The following SNRPN variants were observed in gnomAD, a reference collection of about 807,000 sequenced individuals.
SNRPN encodes small nuclear ribonucleoprotein-associated protein N.
A neutral mutation model predicts 25.2 loss-of-function variants in SNRPN; 7 were observed. The observed-to-expected ratio is 0.28, with a 90% confidence interval of 0.16 to 0.52. SNRPN has a LOEUF of 0.52. Among genes scored for constraint, SNRPN ranks in the 20% least tolerant of loss-of-function variants. SNRPN has a pLI of 0.96. For synonymous variants in SNRPN, 124 were observed against 110.6 expected, an observed-to-expected ratio of 1.12 and a Z score of -0.76; for missense variants, 196 against 322.5, an observed-to-expected ratio of 0.61 and a Z score of 3.00.
chr15:24,919,430 C>CAA (rs59552412), intron 2 of SNRPN, among the ~76,000 whole-genome samples: 8,030 of 128,240 alleles, frequency 0.063, 276 homozygotes, highest in South Asian at 0.097. Context: ...GACTCTGTCT[C>CAA]AAAAAAAAAA....
At chr15:24,938,707 T>C (rs1447786780) in intron 3 of SNRPN, among the ~76,000 whole-genome samples, 1 of 152,164 alleles carries the variant, frequency 6.6e-6, no homozygotes, top group African/African-American at 2.4e-5. Context: ...GGGCAAAGCC[T>C]TTACTGGGGA....
intron 3 of SNRPN, among the ~76,000 whole-genome samples, chr15:24,945,343 TAA>T (rs11422448): frequency 7.2e-5 from 6 of 83,730 alleles, no homozygotes; most frequent in African/African-American, 9.9e-5. Flanking sequence ...ACCCACCATG[TAA>T]AAAAAAAAAA....
At chr15:24,937,448 T>G (rs1298352338) in intron 3 of SNRPN, among the ~76,000 whole-genome samples, 1 of 152,100 alleles carries the variant, frequency 6.6e-6, no homozygotes, top group Non-Finnish European at 1.5e-5. Flanking sequence ...GTGGGAGGAC[T>G]GCTTGAGCCT....
chr15:24,861,909 T>G (rs760400182), intron 1 of SNRPN, among the ~76,000 whole-genome samples: 1 of 143,630 alleles, frequency 7.0e-6, no homozygotes, highest in Non-Finnish European at 1.5e-5. Context: ...AACCAGACTT[T>G]AATGCAGAAT....
At chr15:24,860,650 C>A (rs77892955) in intron 1 of SNRPN, among the ~76,000 whole-genome samples, 1 of 152,060 alleles carries the variant, frequency 6.6e-6, no homozygotes, top group African/African-American at 2.4e-5. Context: ...ATTAGCCTAA[C>A]GTTTGGGAAG....
At chr15:24,955,366 G>T (rs2062669435) in intron 1 of SNRPN, among the ~76,000 whole-genome samples, 1 of 151,940 alleles carries the variant, frequency 6.6e-6, no homozygotes, top group East Asian at 1.9e-4. Flanking sequence ...GAGCATGCGG[G>T]GTAACCGCAG....
chr15:24,855,813 AAG>A (rs1258565692), upstream of SNRPN, among the ~76,000 whole-genome samples: 1 of 146,344 alleles, frequency 6.8e-6, no homozygotes, highest in Non-Finnish European at 1.5e-5. Context: ...AAAAAAAAAA[AAG>A]GTATTCTACC....
At chr15:24,838,044 T>A (rs1264624707) in intron 2 of SNRPN, among the ~76,000 whole-genome samples, 1 of 149,828 alleles carries the variant, frequency 6.7e-6, no homozygotes, top group Non-Finnish European at 1.5e-5. Context: ...TATTTATTTT[T>A]TTTTTTTTGA....
At chr15:24,887,211 G>A (rs1267341611) in intron 2 of SNRPN, among the ~76,000 whole-genome samples, 1 of 146,910 alleles carries the variant, frequency 6.8e-6, no homozygotes, top group Non-Finnish European at 1.5e-5. Flanking sequence ...GCAGTGGCAT[G>A]ATCTCAGCTC....
At chr15:24,911,086 C>T in intron 2 of SNRPN, 7 of 1,475,814 alleles carry the variant, frequency 4.7e-6, no homozygotes, top group South Asian at 1.2e-5. Context: ...CTCTTCTCCT[C>T]TTCTGGAGAG....
intron 1 of SNRPN, among the ~76,000 whole-genome samples, chr15:24,859,199 C>T (rs1341972918): frequency 6.6e-6 from 1 of 152,154 alleles, no homozygotes; most frequent in Non-Finnish European, 1.5e-5. Flanking sequence ...TGGCGACTGG[C>T]CAAGGAGAAG....
intron 2 of SNRPN, 61 bp from the exon 3 acceptor site, chr15:24,967,871 A>G (rs1277537689): frequency 2.2e-5 from 30 of 1,370,300 alleles, no homozygotes; most frequent in Non-Finnish European, 3.0e-5. Context: ...TTTCTTTCAT[A>G]TGGTTTCCTA....
At chr15:24,954,945 G>C, upstream of SNRPN, 1 of 1,534,900 alleles carries the variant, frequency 6.5e-7, no homozygotes, top group Non-Finnish European at 8.9e-7. Flanking sequence ...ATGCTCAGGC[G>C]GGGATGTGTG....
intron 2 of SNRPN, among the ~76,000 whole-genome samples, chr15:24,888,711 A>G (rs1376972909): frequency 6.6e-6 from 1 of 152,104 alleles, no homozygotes; most frequent in East Asian, 1.9e-4. Flanking sequence ...CAACCATGCT[A>G]CCCCTCTTAC....
At chr15:24,967,859 G>T in intron 2 of SNRPN, 73 bp from the exon 3 acceptor site, 9 of 1,132,914 alleles carry the variant, frequency 7.9e-6, no homozygotes, top group Non-Finnish European at 1.2e-5. Context: ...AGGGTACCTA[G>T]TTTTCTTTCA....
chr15:24,889,664 G>A lies in SNRPN; in HGVS notation c.-505+3075G>A, dbSNP rs1566875972. On this transcript the variant is annotated intron_variant, in intron 2 of 11. Coordinates refer to the SNRPN transcript ENST00000400097. The stretch of plus-strand genomic sequence containing the variant: ...TGGGATTGTGGATCAATCATGCAAA[G>A]ACCGACTCCTCTGGGCTTCATTTCC... Among the ~76,000 whole-genome samples the A allele has an allele frequency of 2.6e-5, 4 of 152,066 alleles. 1 individual carries two copies. The South Asian group carries it at 8.3e-4, about 31-fold the overall frequency.
intron 1 of SNRPN, among the ~76,000 whole-genome samples, chr15:24,879,887 C>A (rs187718621): frequency 1.3e-5 from 2 of 152,168 alleles, no homozygotes; most frequent in Admixed American, 1.3e-4. Context: ...GGTGTTGGGG[C>A]AATTCAGTCT....
chr15:24,884,224 C>T (rs909336045), intron 1 of SNRPN, among the ~76,000 whole-genome samples: 1 of 150,046 alleles, frequency 6.7e-6, no homozygotes, highest in African/African-American at 2.4e-5. Flanking sequence ...GTCCCAACTA[C>T]TTGAAAGGTT....
chr15:24,972,255 C>CAA lies in SNRPN; in HGVS notation c.-143-2041_-143-2040dup, dbSNP rs5811371. ...TGGGCAACAGAGTGAGACTCTGTCT[C>CAA]AAAAAAAAAAAAAAAAGGATATTGC... is the stretch of plus-strand genomic sequence containing the variant. On this transcript the variant is annotated intron_variant, in intron 3 of 9. Coordinates refer to ENST00000390687, the MANE Select transcript of SNRPN (RefSeq NM_003097.6). Among the ~76,000 whole-genome samples, 174 of 108,166 alleles carry CAA rather than the reference C, an allele frequency of 1.6e-3. 1 individual carries two copies. Among genetic ancestry groups the CAA allele is most frequent in the South Asian group, 4.9e-3 (14 of 2,866 alleles). 71.0% of individuals were successfully genotyped at this position (108,166 alleles called of 152,430 possible).
Sources: gnomAD v4.1 joint callset for allele counts (sites outside exome capture counted in the v4.1 genomes callset) on GRCh38, gnomAD v4.1.1 for gene constraint, MANE v1.5 for transcripts, NCBI Gene and HGNC (gene_info 2026-07-23, HGNC 2026-07-21) for gene names.